Variants in LHFPL6 observed in about 807,000 individuals in gnomAD.
LHFPL6 encodes LHFPL tetraspan subfamily member 6 protein.
LHFPL6 carries 9 observed loss-of-function variants against 20.6 expected under a neutral mutation model. The observed-to-expected ratio is 0.44, with a 90% CI of 0.26 to 0.76. The LOEUF is 0.76. Among genes scored for constraint, LHFPL6 ranks in the 30% least tolerant of loss-of-function variants. LHFPL6 has a pLI of 0.20. For missense variants in LHFPL6, 218 were observed against 253.5 expected, an observed-to-expected ratio of 0.86 and a Z score of 0.95; for synonymous variants, 105 against 98.7, an observed-to-expected ratio of 1.06 and a Z score of -0.38.
chr13:39,467,445 C>T (rs190644816), intron 2 of LHFPL6, among the ~76,000 whole-genome samples: 299 of 152,216 alleles, frequency 2.0e-3, no homozygotes, highest in African/African-American at 7.0e-3. Flanking sequence ...AAACAATACC[C>T]TGAAATATGG....
intron 2 of LHFPL6, among the ~76,000 whole-genome samples, chr13:39,498,625 G>A (rs373532891): frequency 2.0e-5 from 3 of 152,196 alleles, no homozygotes; most frequent in Admixed American, 6.5e-5. Context: ...CTCTCAAAGC[G>A]TAAAGCTACA....
At position 39,510,702 on chromosome 13, in the gene LHFPL6, C is replaced by T. The variant is rs542380674; in HGVS notation, c.385+90130G>A. ...AGAAAGTCAGGAGTTACAGAACTAG[C>T]TAAATGGAAATATTACAGAAATTTA... is the stretch of plus-strand genomic sequence containing the variant. On this transcript the variant is annotated intron_variant, in intron 2 of 3. Transcript: ENST00000379589. 4.6e-5 allele frequency among the ~76,000 whole-genome samples: 7 copies of T among 152,070 alleles called. No homozygotes were observed. The South Asian group carries it at 1.2e-3, about 27-fold the overall frequency.
rs149623128 is a variant in LHFPL6 at position 39,364,680 on chromosome 13, G to C, written c.484+13748C>G. 9.2e-5 allele frequency among the ~76,000 whole-genome samples: 14 copies of C among 152,058 alleles called. No homozygotes were observed. The East Asian group carries it at 2.5e-3, about 27-fold the overall frequency. On this transcript the variant is annotated intron_variant, in intron 3 of 3. Coordinates refer to ENST00000379589, the MANE Select transcript of LHFPL6 (RefSeq NM_005780.3). ...TCTTTTTTTTTAATTAACTGTAAAAGTTCTGGGATACACGTGCAGAACATG... is the reference window on the plus strand; with the variant it reads ...TCTTTTTTTTTAATTAACTGTAAAACTTCTGGGATACACGTGCAGAACATG...
chr13:39,577,500 C>T (rs76845449), intron 2 of LHFPL6, among the ~76,000 whole-genome samples: 2,723 of 152,320 alleles, frequency 0.018, 38 homozygotes, highest in Non-Finnish European at 0.026. Flanking sequence ...AAGTATCAAG[C>T]TCTAAGCACC....
intron 2 of LHFPL6, among the ~76,000 whole-genome samples, chr13:39,399,520 G>A (rs141818465): frequency 6.6e-6 from 1 of 152,316 alleles, no homozygotes; most frequent in Non-Finnish European, 1.5e-5. Flanking sequence ...TTATGTAGGT[G>A]TATCTTAATT....
intron 2 of LHFPL6, among the ~76,000 whole-genome samples, chr13:39,560,526 T>C (rs12865704): frequency 7.0e-6 from 1 of 142,426 alleles, no homozygotes; most frequent in Non-Finnish European, 1.6e-5. Flanking sequence ...TTTTTTTTTC[T>C]TTTTTTGAGA....
At chr13:39,549,082 A>C (rs1451029367) in intron 2 of LHFPL6, among the ~76,000 whole-genome samples, 1 of 152,194 alleles carries the variant, frequency 6.6e-6, no homozygotes, top group African/African-American at 2.4e-5. Context: ...CAACCCTATT[A>C]CAAAATGATC....
intron 2 of LHFPL6, among the ~76,000 whole-genome samples, chr13:39,535,449 C>T (rs1038372635): frequency 6.6e-6 from 1 of 152,082 alleles, no homozygotes. Context: ...TTATTAAGTA[C>T]AACAATTTTA....
intron 2 of LHFPL6, among the ~76,000 whole-genome samples, chr13:39,558,007 C>T (rs1871360664): frequency 6.6e-6 from 1 of 152,208 alleles, no homozygotes; most frequent in South Asian, 2.1e-4. Flanking sequence ...TCACCAGAAG[C>T]TGAGCAGATG....
chr13:39,601,156 C>T lies in LHFPL6; in HGVS notation c.61G>A (p.Ala21Thr). The T allele has an allele frequency of 6.2e-7, 1 of 1,613,972 alleles. No homozygotes were observed. The highest frequency in any genetic ancestry group is 8.5e-7 in the Non-Finnish European group (1 of 1,179,994). Residue 21 changes from alanine to threonine, a missense_variant, in exon 2 of 4, where the codon GCC becomes ACC. Physicochemically the swap from Ala to Thr is moderately conservative, Grantham distance 58 (BLOSUM62 0). Coordinates refer to ENST00000379589, the MANE Select transcript of LHFPL6 (RefSeq NM_005780.3). Reference sequence around the variant, plus strand: ...ATAAAGAACCCCACGCAGGAGGTGGCAGCACAAAGAAAAGACAGCAAAGCC... The same window carrying T: ...ATAAAGAACCCCACGCAGGAGGTGGTAGCACAAAGAAAAGACAGCAAAGCC... Reference protein sequence around the residue: ...IWALLSFLCAATSCVGFFMPY... With the variant: ...IWALLSFLCATTSCVGFFMPY...
At chr13:39,591,743 G>A (rs559996230) in intron 2 of LHFPL6, among the ~76,000 whole-genome samples, 2 of 152,258 alleles carry the variant, frequency 1.3e-5, no homozygotes, top group Admixed American at 6.5e-5. Flanking sequence ...CTAGGCCTTG[G>A]ACTGTTTACA....
At chr13:39,556,335 TGG>T (rs2138515851) in intron 2 of LHFPL6, among the ~76,000 whole-genome samples, 1 of 152,290 alleles carries the variant, frequency 6.6e-6, no homozygotes, top group South Asian at 2.1e-4. Flanking sequence ...AGGGAAAGTT[TGG>T]AACTTCTTAG....
chr13:39,381,826 CAA>C (rs10581776), intron 2 of LHFPL6, among the ~76,000 whole-genome samples: 27 of 140,526 alleles, frequency 1.9e-4, no homozygotes, highest in African/African-American at 3.3e-4. Context: ...AATTTATAGA[CAA>C]AAAAAAAAAA....
intron 3 of LHFPL6, among the ~76,000 whole-genome samples, chr13:39,362,786 C>T (rs2138346288): frequency 6.6e-6 from 1 of 152,308 alleles, no homozygotes; most frequent in Admixed American, 6.5e-5. Context: ...ACTGAGCAAA[C>T]AACCTACAAA....
intron 2 of LHFPL6, among the ~76,000 whole-genome samples, chr13:39,533,353 T>C (rs1322694069): frequency 6.6e-6 from 1 of 152,232 alleles, no homozygotes; most frequent in African/African-American, 2.4e-5. Flanking sequence ...ATCTTCAACA[T>C]GTGGCTTCCC....
chr13:39,401,395 T>C (rs1238845278), intron 2 of LHFPL6, among the ~76,000 whole-genome samples: 1 of 152,196 alleles, frequency 6.6e-6, no homozygotes, highest in Non-Finnish European at 1.5e-5. Flanking sequence ...TTCATGATGA[T>C]ACAGGTGAAG....
intron 2 of LHFPL6, among the ~76,000 whole-genome samples, chr13:39,387,155 A>C (rs1870585531): frequency 6.6e-6 from 1 of 152,210 alleles, no homozygotes; most frequent in Non-Finnish European, 1.5e-5. Flanking sequence ...AATATTTGTT[A>C]AATATTAAAT....
chr13:39,580,916 T>C (rs968827602), intron 2 of LHFPL6, among the ~76,000 whole-genome samples: 1 of 152,202 alleles, frequency 6.6e-6, no homozygotes, highest in African/African-American at 2.4e-5. Flanking sequence ...CACATGGCCA[T>C]AGAGTAATGT....
At chr13:39,480,446 C>A (rs534010555) in intron 2 of LHFPL6, among the ~76,000 whole-genome samples, 1 of 152,096 alleles carries the variant, frequency 6.6e-6, no homozygotes. Flanking sequence ...TACTGTTGTC[C>A]CAAGATAAAA....
Sources: gnomAD v4.1 joint callset for allele counts (sites outside exome capture counted in the v4.1 genomes callset) on GRCh38, gnomAD v4.1.1 for gene constraint, MANE v1.5 for transcripts, NCBI Gene and HGNC (gene_info 2026-07-23, HGNC 2026-07-21) for gene names.